The following STK39 variants were observed in gnomAD, a reference collection of about 807,000 sequenced individuals.
The protein encoded by STK39 is STE20/SPS1-related proline-alanine-rich protein kinase.
A neutral mutation model predicts 77.8 loss-of-function variants in STK39; 20 were observed. That is an observed-to-expected ratio of 0.26 (90% confidence interval 0.18 to 0.37). The LOEUF is 0.37. Ranked by LOEUF, STK39 falls within the 10% of genes least tolerant of loss-of-function variation. The pLI is 1.00. For synonymous variants in STK39, 246 were observed against 234.1 expected (o/e 1.05, Z -0.47); for missense variants, 479 against 656.5 (o/e 0.73, Z 2.95).
At chr2:168,202,902 G>A (rs1159375498) in intron 1 of STK39, among the ~76,000 whole-genome samples, 1 of 152,128 alleles carries the variant, frequency 6.6e-6, no homozygotes, top group Non-Finnish European at 1.5e-5. Flanking sequence ...ACGGAAGCAT[G>A]CAGGACTCAA....
intron 10 of STK39, among the ~76,000 whole-genome samples, chr2:168,095,959 G>A (rs1686655764): frequency 6.6e-6 from 1 of 152,082 alleles, no homozygotes; most frequent in South Asian, 2.1e-4. Flanking sequence ...ATCAATAGGT[G>A]TTATTTTCCC....
intron 2 of STK39, among the ~76,000 whole-genome samples, chr2:168,167,907 G>A (rs1688728951): frequency 6.6e-6 from 1 of 152,152 alleles, no homozygotes; most frequent in African/African-American, 2.4e-5. Flanking sequence ...AAATACATTT[G>A]AAAATGCTAC....
intron 5 of STK39, among the ~76,000 whole-genome samples, chr2:168,161,059 A>G (rs915473203): frequency 6.6e-6 from 1 of 152,192 alleles, no homozygotes; most frequent in Admixed American, 6.5e-5. Flanking sequence ...GGGTCACTCC[A>G]GTAGAGGGAA....
chr2:168,192,465 C>G (rs1689363239), intron 1 of STK39, among the ~76,000 whole-genome samples: 1 of 152,136 alleles, frequency 6.6e-6, no homozygotes, highest in South Asian at 2.1e-4. Flanking sequence ...TAAAATGATC[C>G]TTTTTAATAT....
chr2:167,991,328 G>C (rs534005357), intron 16 of STK39, among the ~76,000 whole-genome samples: 20 of 149,832 alleles, frequency 1.3e-4, no homozygotes, highest in Middle Eastern at 3.5e-3. Flanking sequence ...GGAATACCCA[G>C]CCCTGGGCAG....
chr2:168,082,633 G>A (rs181209774), intron 10 of STK39, among the ~76,000 whole-genome samples: 126 of 152,148 alleles, frequency 8.3e-4, no homozygotes, highest in Non-Finnish European at 1.4e-3. Flanking sequence ...CTGCCTCCAC[G>A]ATAAATGTGA....
At chr2:168,141,849 T>C (rs1272504685) in intron 5 of STK39, among the ~76,000 whole-genome samples, 2 of 152,208 alleles carry the variant, frequency 1.3e-5, no homozygotes, top group African/African-American at 4.8e-5. Flanking sequence ...CAAAATGTAT[T>C]AGCATTTGCT....
At chr2:167,968,449 T>A (rs1574352515) in intron 16 of STK39, among the ~76,000 whole-genome samples, 2 of 152,362 alleles carry the variant, frequency 1.3e-5, no homozygotes, top group East Asian at 3.9e-4. Flanking sequence ...GATACACTTT[T>A]TCCTGAGATA....
chr2:168,125,093 G>C (rs1344913453), intron 10 of STK39, among the ~76,000 whole-genome samples: 1 of 152,116 alleles, frequency 6.6e-6, no homozygotes, highest in Non-Finnish European at 1.5e-5. Flanking sequence ...TGCACGTTCT[G>C]CACATGTATC....
chr2:167,969,606 A>C (rs866251823), intron 16 of STK39, among the ~76,000 whole-genome samples: 2 of 152,282 alleles, frequency 1.3e-5, no homozygotes, highest in African/African-American at 2.4e-5. Context: ...CCCAGAAAAA[A>C]TCTTATTCAT....
rs1559136453 is a variant in STK39 at position 168,182,280 on chromosome 2, C to T, written c.209-190G>A. On this transcript the variant is annotated intron_variant, in intron 1 of 17. Coordinates refer to ENST00000355999, the MANE Select transcript of STK39 (RefSeq NM_013233.3). ...AATTATCTGGAGGAGAAAAAAAAAA[C>T]TGCATTTTCCAGACAATGTATGTCT... Among the ~76,000 whole-genome samples the T allele has an allele frequency of 3.3e-5, 5 of 151,786 alleles. No individual in the cohort carries two copies. The South Asian group carries it at 1.0e-3, about 32-fold the overall frequency.
chr2:168,163,495 CTTTCT>C, intron 4 of STK39: 1 of 684,498 alleles, frequency 1.5e-6, no homozygotes, highest in Non-Finnish European at 1.8e-6. Context: ...TCTCTTGTTT[CTTTCT>C]TAAGTACTTT....
chr2:168,148,473 G>A (rs972095766), intron 5 of STK39, among the ~76,000 whole-genome samples: 1 of 152,192 alleles, frequency 6.6e-6, no homozygotes, highest in Non-Finnish European at 1.5e-5. Flanking sequence ...CCAGGTGGAC[G>A]TTGCGCTTCT....
chr2:168,004,561 T>C (rs571381133), intron 16 of STK39, among the ~76,000 whole-genome samples: 11 of 151,672 alleles, frequency 7.3e-5, no homozygotes, highest in African/African-American at 2.7e-4. Flanking sequence ...CGAAACCCCG[T>C]CTCTACTAAA....
intron 10 of STK39, among the ~76,000 whole-genome samples, chr2:168,080,784 C>T (rs748919270): frequency 6.6e-6 from 1 of 152,132 alleles, no homozygotes; most frequent in African/African-American, 2.4e-5. Context: ...CTGTTGTGTG[C>T]AGTTTAGGGA....
chr2:168,114,568 G>T (rs1301864154), intron 10 of STK39, among the ~76,000 whole-genome samples: 5 of 152,164 alleles, frequency 3.3e-5, no homozygotes, highest in African/African-American at 1.2e-4. Flanking sequence ...TTCAAAACCA[G>T]CCCAGGGCCA....
chr2:168,244,184 G>A (rs146217087), intron 1 of STK39, among the ~76,000 whole-genome samples: 42 of 152,240 alleles, frequency 2.8e-4, no homozygotes, highest in Non-Finnish European at 1.3e-4. Flanking sequence ...CTCCACTGAC[G>A]TTTTAAAACA....
At chr2:168,188,220 G>A (rs1428010790) in intron 1 of STK39, among the ~76,000 whole-genome samples, 1 of 152,112 alleles carries the variant, frequency 6.6e-6, no homozygotes, top group Non-Finnish European at 1.5e-5. Context: ...AAGCCCACAG[G>A]CCAGTCAGTC....
At chr2:168,072,678 A>G (rs1176473197) in intron 12 of STK39, among the ~76,000 whole-genome samples, 1 of 152,256 alleles carries the variant, frequency 6.6e-6, no homozygotes, top group African/African-American at 2.4e-5. Flanking sequence ...GAATAGTTAC[A>G]TATTTAACAC....
Sources: allele counts gnomAD v4.1 joint callset (sites outside exome capture counted in the v4.1 genomes callset), GRCh38; gene constraint gnomAD v4.1.1; transcripts MANE v1.5; gene names NCBI Gene and HGNC (gene_info 2026-07-23, HGNC 2026-07-21).